The following KIAA1328 variants were observed in gnomAD, a reference collection of about 807,000 sequenced individuals.
KIAA1328 encodes the protein protein hinderin.
In KIAA1328, 52 loss-of-function variants were observed where a neutral mutation model predicts 68.1. The observed-to-expected ratio is 0.76, with a 90% confidence interval of 0.61 to 0.96. The LOEUF is 0.96. Ranked by LOEUF, KIAA1328 falls within the 40% of genes least tolerant of loss-of-function variation. The pLI, the probability that KIAA1328 is intolerant of heterozygous loss-of-function variation, is 0.00. For synonymous variants in KIAA1328, 232 were observed against 239.4 expected (o/e 0.97, Z 0.28); for missense variants, 641 against 677.6 (o/e 0.95, Z 0.60).
chr18:37,213,826 T>C (rs545795215), intron 9 of KIAA1328, among the ~76,000 whole-genome samples: 1 of 152,356 alleles, frequency 6.6e-6, no homozygotes, highest in Non-Finnish European at 1.5e-5. Context: ...TCCTGACTTT[T>C]TAATGATCAC....
At chr18:36,968,336 G>A (rs8094856) in intron 6 of KIAA1328, among the ~76,000 whole-genome samples, 20,291 of 152,156 alleles carry the variant, frequency 0.13, 1,739 homozygotes, top group Admixed American at 0.18. Flanking sequence ...ACTGAATGAA[G>A]AAGCAAGACC....
At chr18:37,130,070 C>T (rs1296143284) in intron 7 of KIAA1328, among the ~76,000 whole-genome samples, 3 of 152,104 alleles carry the variant, frequency 2.0e-5, no homozygotes, top group Non-Finnish European at 4.4e-5. Flanking sequence ...AAATACTCAT[C>T]TTTCCTATAA....
At chr18:37,092,297 G>T (rs2057289238) in intron 7 of KIAA1328, among the ~76,000 whole-genome samples, 1 of 151,936 alleles carries the variant, frequency 6.6e-6, no homozygotes, top group South Asian at 2.1e-4. Context: ...CACACCCAGG[G>T]TCCTAAGAAC....
At chr18:36,893,689 T>C (rs1337565080) in intron 5 of KIAA1328, among the ~76,000 whole-genome samples, 1 of 152,110 alleles carries the variant, frequency 6.6e-6, no homozygotes, top group African/African-American at 2.4e-5. Context: ...ATTTGGTGTC[T>C]AGTTTTAAAG....
intron 6 of KIAA1328, among the ~76,000 whole-genome samples, chr18:36,974,976 C>T (rs530623329): frequency 2.0e-5 from 3 of 152,022 alleles, no homozygotes; most frequent in South Asian, 2.1e-4. Context: ...CCAGTTCTAT[C>T]GGTCATGGTA....
At chr18:36,906,409 C>G (rs1210320804) in intron 5 of KIAA1328, among the ~76,000 whole-genome samples, 5 of 152,110 alleles carry the variant, frequency 3.3e-5, no homozygotes, top group Non-Finnish European at 7.4e-5. Context: ...TAGTTTTTGC[C>G]TTTTGCAGAA....
rs117883643 is a variant in KIAA1328, at chr18:36,974,443, C to T, written c.576+15008C>T. 7.3e-3 allele frequency among the ~76,000 whole-genome samples: 1,116 copies of T among 152,276 alleles called. 4 individuals carry two copies. Among genetic ancestry groups the T allele is most frequent in the Middle Eastern group, 0.031 (9 of 294 alleles). ...GTTGTTTCACTGAAGATAAAAGCCTCCAGTTCCATTTATGTTACTGCAGTA... is the reference window on the plus strand; with the variant it reads ...GTTGTTTCACTGAAGATAAAAGCCTTCAGTTCCATTTATGTTACTGCAGTA... On this transcript the variant is annotated intron_variant, in intron 6 of 9. Coordinates refer to ENST00000280020, the MANE Select transcript of KIAA1328 (RefSeq NM_020776.3).
intron 9 of KIAA1328, among the ~76,000 whole-genome samples, chr18:37,202,650 C>T (rs2060136240): frequency 6.6e-6 from 1 of 152,098 alleles, no homozygotes; most frequent in South Asian, 2.1e-4. Flanking sequence ...TGGCAAACAA[C>T]AGTTTAATAT....
chr18:37,199,377 C>G (rs2060064727), intron 9 of KIAA1328, among the ~76,000 whole-genome samples: 1 of 152,104 alleles, frequency 6.6e-6, no homozygotes, highest in African/African-American at 2.4e-5. Context: ...ATTAGTTTGC[C>G]AAGGATAATG....
chr18:36,960,984 T>A (rs985624498), intron 6 of KIAA1328, among the ~76,000 whole-genome samples: 1 of 152,120 alleles, frequency 6.6e-6, no homozygotes. Flanking sequence ...TTGACAGAAG[T>A]GGGTTTCAGA....
In KIAA1328 at chr18:37,007,298, C is replaced by G. The variant is rs557241642; in HGVS notation, c.576+47863C>G. 2.0e-5 allele frequency among the ~76,000 whole-genome samples: 3 copies of G among 152,250 alleles called. No individual in the cohort carries two copies. In the East Asian group the frequency reaches 5.8e-4, roughly 29 times the overall value. On this transcript the variant is annotated intron_variant, in intron 6 of 9. Coordinates refer to ENST00000280020, the MANE Select transcript of KIAA1328 (RefSeq NM_020776.3). ...AAGGCAAAGATAGCTGGCCACACAT[C>G]AGTTTGTTGAGTGGCTACTCTCAGC...
rs2060110982 is a variant in KIAA1328 at position 37,201,357 on chromosome 18, T to G, written c.1524-20660T>G. On this transcript the variant is annotated intron_variant, in intron 9 of 9. Coordinates refer to ENST00000280020, the MANE Select transcript of KIAA1328 (RefSeq NM_020776.3). Reference sequence around the variant, plus strand: ...AAAGAAAATTTAAATCAGGTTCTTTTTTTTCTAGAGACTTGTAGCCAGGAA... The same window carrying G: ...AAAGAAAATTTAAATCAGGTTCTTTGTTTTCTAGAGACTTGTAGCCAGGAA... Among the ~76,000 whole-genome samples the G allele has an allele frequency of 2.0e-5, 3 of 152,286 alleles. No individual in the cohort carries two copies. In the South Asian group the frequency reaches 6.2e-4, roughly 32 times the overall value.
chr18:36,959,659 A>G (rs541808871), intron 6 of KIAA1328, among the ~76,000 whole-genome samples: 3 of 152,098 alleles, frequency 2.0e-5, no homozygotes, highest in Non-Finnish European at 4.4e-5. Flanking sequence ...TGTGTGGGTC[A>G]GTGGGGAAGC....
intron 9 of KIAA1328, among the ~76,000 whole-genome samples, chr18:37,221,473 G>A (rs757292614): frequency 5.3e-5 from 8 of 152,148 alleles, no homozygotes; most frequent in South Asian, 2.1e-4. Flanking sequence ...TGAAGATTTC[G>A]ACAGACAGCT....
chr18:37,141,839 A>G (rs2058771927), intron 7 of KIAA1328, among the ~76,000 whole-genome samples: 1 of 152,196 alleles, frequency 6.6e-6, no homozygotes, highest in Admixed American at 6.5e-5. Context: ...GATGATGTTT[A>G]TTGGCCATTC....
intron 1 of KIAA1328, among the ~76,000 whole-genome samples, chr18:36,830,582 G>C (rs190825180): frequency 3.3e-5 from 5 of 150,928 alleles, no homozygotes; most frequent in Non-Finnish European, 7.4e-5. Flanking sequence ...CAATGGTTTG[G>C]GGGGGGGACA....
intron 7 of KIAA1328, among the ~76,000 whole-genome samples, chr18:37,112,662 C>T (rs554353344): frequency 9.2e-5 from 14 of 152,264 alleles, no homozygotes; most frequent in African/African-American, 2.9e-4. Flanking sequence ...ATGACTTTGA[C>T]GAGTTGAGAG....
rs187338813 is a variant in KIAA1328 at position 36,841,587 on chromosome 18, C to T, written c.238-2621C>T. Among the ~76,000 whole-genome samples the T allele has an allele frequency of 1.2e-4, 19 of 152,122 alleles. No individual in the cohort carries two copies. In the East Asian group the frequency reaches 2.5e-3, roughly 20 times the overall value. On this transcript the variant is annotated intron_variant, in intron 3 of 9. Coordinates refer to ENST00000280020, the MANE Select transcript of KIAA1328 (RefSeq NM_020776.3). ...TCTTTTGTTTTTCCATATCGGGGTT[C>T]GCCGACTTTTTCTATAAATTGGACA...
intron 5 of KIAA1328, among the ~76,000 whole-genome samples, chr18:36,936,423 T>C (rs1197560562): frequency 6.6e-6 from 1 of 152,180 alleles, no homozygotes; most frequent in Non-Finnish European, 1.5e-5. Context: ...ATGGCTTCCA[T>C]CTTCATCCAT....
Sources: allele counts gnomAD v4.1 joint callset (sites outside exome capture counted in the v4.1 genomes callset), GRCh38; gene constraint gnomAD v4.1.1; transcripts MANE v1.5; gene names NCBI Gene and HGNC (gene_info 2026-07-23, HGNC 2026-07-21).